CCDC102B: variants seen among roughly 807,000 people sequenced by gnomAD.
The protein encoded by CCDC102B is coiled-coil domain-containing protein 102B.
CCDC102B carries 75 observed loss-of-function variants against 57.4 expected under a neutral mutation model. That is an observed-to-expected ratio of 1.31 (90% CI 1.08 to 1.58). The LOEUF is 1.58. Among genes scored for constraint, CCDC102B ranks in the 40% most tolerant of loss-of-function variants. The pLI, the probability that CCDC102B is intolerant of heterozygous loss-of-function variation, is 0.00. For synonymous variants in CCDC102B, 206 were observed against 201.9 expected (o/e 1.02, Z -0.17); for missense variants, 636 against 582.6 (o/e 1.09, Z -0.94).
intron 6 of CCDC102B, among the ~76,000 whole-genome samples, chr18:68,953,149 T>G (rs898220601): frequency 6.6e-6 from 1 of 152,088 alleles, no homozygotes; most frequent in African/African-American, 2.4e-5. Flanking sequence ...TTTTTACAAA[T>G]AGTAAAGCCA....
intron 6 of CCDC102B, chr18:68,897,770 A>G (rs1248477709): frequency 7.3e-6 from 4 of 547,484 alleles, no homozygotes; most frequent in Non-Finnish European, 1.1e-5. Context: ...TCCAATAAAG[A>G]TTTTTTCATT....
At chr18:68,819,192 G>A (rs567813910) in intron 1 of CCDC102B, among the ~76,000 whole-genome samples, 43 of 152,154 alleles carry the variant, frequency 2.8e-4, no homozygotes, top group Non-Finnish European at 4.0e-4. Flanking sequence ...GCAATATCAT[G>A]AATGATTTTT....
At chr18:68,816,106 G>T (rs1409525374) in intron 1 of CCDC102B, among the ~76,000 whole-genome samples, 4 of 152,276 alleles carry the variant, frequency 2.6e-5, no homozygotes, top group Admixed American at 6.5e-5. Context: ...ATTGTTAAAA[G>T]AATTGATTCT....
chr18:68,729,964 T>A (rs533130700), intron 2 of CCDC102B, among the ~76,000 whole-genome samples: 2 of 152,294 alleles, frequency 1.3e-5, no homozygotes, highest in Admixed American at 6.5e-5. Flanking sequence ...AGAGGAAATG[T>A]AAACATCAAA....
rs1277696609 is a variant in CCDC102B at position 68,929,755 on chromosome 18, A to G, written c.1263+32327A>G. ...GGGTCTTACCTTTGATATACCAGGA[A>G]GAAGAGGAATATATGGAGCATAGTT... is the stretch of plus-strand genomic sequence containing the variant. On this transcript the variant is annotated intron_variant, in intron 6 of 7. Transcript: ENST00000360242. 2.0e-5 allele frequency among the ~76,000 whole-genome samples: 3 copies of G among 151,998 alleles called. No individual in the cohort carries two copies. The East Asian group carries it at 5.8e-4, about 30-fold the overall frequency.
At chr18:68,728,728 T>C (rs892716179) in intron 2 of CCDC102B, among the ~76,000 whole-genome samples, 3 of 152,160 alleles carry the variant, frequency 2.0e-5, no homozygotes, top group African/African-American at 7.2e-5. Context: ...ATAATATTCA[T>C]CAAACATTGT....
intron 7 of CCDC102B, among the ~76,000 whole-genome samples, chr18:69,024,570 GGTA>G (rs2051933230): frequency 6.6e-6 from 1 of 151,908 alleles, no homozygotes; most frequent in Non-Finnish European, 1.5e-5. Context: ...TGACTCTAAA[GGTA>G]AGATTATATG....
intron 7 of CCDC102B, among the ~76,000 whole-genome samples, chr18:69,013,201 C>G (rs150103019): frequency 2.6e-5 from 4 of 151,920 alleles, no homozygotes; most frequent in African/African-American, 9.7e-5. Flanking sequence ...CCTACAAACA[C>G]GAATGAAATC....
chr18:69,043,977 G>A (rs956194390), intron 7 of CCDC102B, among the ~76,000 whole-genome samples: 1 of 152,094 alleles, frequency 6.6e-6, no homozygotes, highest in Non-Finnish European at 1.5e-5. Context: ...TGTCTGGTAA[G>A]GGGTCCAAGA....
chr18:68,775,451 T>G (rs1331002443), intron 2 of CCDC102B, among the ~76,000 whole-genome samples: 1 of 152,094 alleles, frequency 6.6e-6, no homozygotes, highest in African/African-American at 2.4e-5. Context: ...TGACATTTAT[T>G]TATTGTTATA....
At chr18:68,993,765 A>G (rs974249218) in intron 6 of CCDC102B, among the ~76,000 whole-genome samples, 6 of 152,290 alleles carry the variant, frequency 3.9e-5, no homozygotes, top group African/African-American at 1.4e-4. Context: ...TATGCCATAT[A>G]AAAATCATTG....
intron 1 of CCDC102B, among the ~76,000 whole-genome samples, chr18:68,811,983 A>T (rs994083465): frequency 1.3e-5 from 2 of 152,208 alleles, no homozygotes; most frequent in Non-Finnish European, 2.9e-5. Context: ...TCAATCTGGA[A>T]AAAAAGTATA....
At chr18:68,851,577 A>C (rs2038126514) in intron 4 of CCDC102B, among the ~76,000 whole-genome samples, 1 of 152,208 alleles carries the variant, frequency 6.6e-6, no homozygotes, top group African/African-American at 2.4e-5. Flanking sequence ...GGTACCTCTC[A>C]GAACACTGAG....
intron 2 of CCDC102B, among the ~76,000 whole-genome samples, chr18:68,766,948 A>T (rs1251679485): frequency 6.6e-6 from 1 of 152,196 alleles, no homozygotes; most frequent in Non-Finnish European, 1.5e-5. Context: ...GGCAAAGATA[A>T]ATGCTGTTTT....
At chr18:68,776,342 A>C (rs1174239784) in intron 2 of CCDC102B, among the ~76,000 whole-genome samples, 1 of 152,164 alleles carries the variant, frequency 6.6e-6, no homozygotes, top group African/African-American at 2.4e-5. Flanking sequence ...CTATATTTTT[A>C]AGATATAAAG....
At chr18:68,937,078 A>G (rs1243529743) in intron 6 of CCDC102B, among the ~76,000 whole-genome samples, 1 of 152,000 alleles carries the variant, frequency 6.6e-6, no homozygotes, top group Non-Finnish European at 1.5e-5. Flanking sequence ...CTGTTTAAAG[A>G]TGTCGTATTT....
At chr18:68,756,452 A>T (rs2034054575) in intron 2 of CCDC102B, among the ~76,000 whole-genome samples, 2 of 152,280 alleles carry the variant, frequency 1.3e-5, no homozygotes, top group African/African-American at 4.8e-5. Context: ...TATTCTACTA[A>T]ATTTGCATAC....
chr18:69,053,400 G>A (rs2052755983), intron 7 of CCDC102B, among the ~76,000 whole-genome samples: 1 of 151,338 alleles, frequency 6.6e-6, no homozygotes, highest in Non-Finnish European at 1.5e-5. Context: ...AAAGCCATGG[G>A]AATAAAAAAC....
intron 2 of CCDC102B, chr18:68,753,163 T>G (rs2033926889): frequency 6.6e-6 from 1 of 152,166 alleles, no homozygotes; most frequent in Non-Finnish European, 1.5e-5. Flanking sequence ...TAAAAAAGAA[T>G]GGGGAATGCA....
Sources: gnomAD v4.1 joint callset for allele counts (sites outside exome capture counted in the v4.1 genomes callset) on GRCh38, gnomAD v4.1.1 for gene constraint, MANE v1.5 for transcripts, NCBI Gene and HGNC (gene_info 2026-07-23, HGNC 2026-07-21) for gene names.